The following RAPH1 variants were observed in gnomAD, a reference collection of about 807,000 sequenced individuals.
RAPH1 encodes ras-associated and pleckstrin homology domains-containing protein 1.
RAPH1 carries 18 observed loss-of-function variants against 88.1 expected under a neutral mutation model. That is an observed-to-expected ratio of 0.20 (90% confidence interval 0.14 to 0.30). The LOEUF (loss-of-function observed/expected upper bound fraction) is 0.30, where lower values mean the gene tolerates loss of function less well. Among genes scored for constraint, RAPH1 ranks in the 10% least tolerant of loss-of-function variants. The pLI is 1.00. For synonymous variants in RAPH1, 587 were observed against 559.0 expected (o/e 1.05, Z -0.71); for missense variants, 1,448 against 1,543.2 (o/e 0.94, Z 1.03).
chr2:203,442,236 A>C, intron 13 of RAPH1: 2 of 659,476 alleles, frequency 3.0e-6, no homozygotes, highest in Non-Finnish European at 4.9e-6. Context: ...CCAACAACCA[A>C]CCCATCTGGG....
chr2:203,532,271 T>C (rs1303983058), intron 1 of RAPH1, among the ~76,000 whole-genome samples: 1 of 152,192 alleles, frequency 6.6e-6, no homozygotes, highest in African/African-American at 2.4e-5. Flanking sequence ...GCTTGTAGAA[T>C]TACTGTTTAA....
chr2:203,509,451 A>G (rs1559496848), intron 1 of RAPH1, among the ~76,000 whole-genome samples: 1 of 152,212 alleles, frequency 6.6e-6, no homozygotes, highest in Non-Finnish European at 1.5e-5. Flanking sequence ...CAAAGTTAGT[A>G]TTTAATTAAA....
chr2:203,481,758 A>ATTTTTT (rs757903816), intron 4 of RAPH1, among the ~76,000 whole-genome samples: 1 of 137,368 alleles, frequency 7.3e-6, no homozygotes, highest in Non-Finnish European at 1.6e-5. Flanking sequence ...CGCCAGGATA[A>ATTTTTT]TTTTTTTTTT....
intron 1 of RAPH1, among the ~76,000 whole-genome samples, chr2:203,516,809 G>A (rs1311808802): frequency 4.6e-5 from 7 of 152,004 alleles, no homozygotes; most frequent in East Asian, 3.9e-4. Flanking sequence ...CAAGGCAGGC[G>A]GATCATGACG....
rs192751149 is a variant in RAPH1 at position 203,441,402 on chromosome 2, C to T, written c.1788G>A (p.Glu596=). Residue 596 remains glutamate (E), a synonymous_variant, in exon 14 of 14, where the codon GAG becomes GAA. Coordinates refer to ENST00000319170, the MANE Select transcript of RAPH1 (RefSeq NM_213589.3). Reference sequence around the variant, plus strand: ...GTGAAGTGTAGGGCCGATTCATAGACTCCATTCTGGCCTAAAAGGAGTATA... The same window carrying T: ...GTGAAGTGTAGGGCCGATTCATAGATTCCATTCTGGCCTAAAAGGAGTATA... ...QLEESSKARM[E]SMNRPYTSLV... is the part of the protein sequence containing the mutation. The T allele has an allele frequency of 2.2e-4, 338 of 1,550,828 alleles. No individual in the cohort carries two copies. In the East Asian group the frequency reaches 6.9e-3, roughly 31 times the overall value.
rs2098504417 is a variant in RAPH1 at position 203,441,750 on chromosome 2, C to T, written c.1777-337G>A. 1.2e-5 allele frequency: 16 copies of T among 1,284,434 alleles called. No individual in the cohort carries two copies. The South Asian group carries it at 3.9e-4, about 32-fold the overall frequency. The allele number at this position is 1,284,434 out of a possible 1,614,324, so 79.6% of individuals were successfully genotyped here. A position where few individuals can be genotyped will look rare whatever the true frequency, so the allele number is the denominator to read the frequency against. ...GCTGTATGACTTTGACACAGCCTGC[C>T]CTACATGGAACCCTCTGTGGCGGTC... On this transcript the variant is annotated intron_variant, in intron 13 of 13. Transcript: ENST00000319170.
chr2:203,463,394 C>T (rs1255493373), intron 4 of RAPH1, among the ~76,000 whole-genome samples: 1 of 152,148 alleles, frequency 6.6e-6, no homozygotes, highest in Non-Finnish European at 1.5e-5. Flanking sequence ...CAATTCAGTT[C>T]ATAGATTTAT....
intron 8 of RAPH1, 142 bp downstream of exon 8, chr2:203,457,388 C>T (rs1312757667): frequency 4.1e-6 from 3 of 734,074 alleles, no homozygotes; most frequent in East Asian, 5.0e-5. Context: ...GTTTCACCAT[C>T]TTGGGCAGGC....
intron 4 of RAPH1, among the ~76,000 whole-genome samples, chr2:203,481,568 AATATATATATATAT>A (rs60650703): frequency 1.4e-5 from 2 of 138,104 alleles, no homozygotes; most frequent in African/African-American, 2.7e-5. Flanking sequence ...TAAATAGATG[AATATATATATATAT>A]ATATATATAT....
chr2:203,517,739 G>A (rs1003558275), intron 1 of RAPH1, among the ~76,000 whole-genome samples: 7 of 151,884 alleles, frequency 4.6e-5, no homozygotes, highest in Non-Finnish European at 8.8e-5. Flanking sequence ...CAAAATACAT[G>A]AGATTACACA....
intron 1 of RAPH1, among the ~76,000 whole-genome samples, chr2:203,527,020 G>A (rs182725698): frequency 5.9e-5 from 9 of 152,108 alleles, no homozygotes; most frequent in Admixed American, 1.3e-4. Flanking sequence ...CTGACCTCAG[G>A]TGATCCGCCC....
chr2:203,458,923 C>T (rs550281890), intron 7 of RAPH1, among the ~76,000 whole-genome samples: 32 of 152,132 alleles, frequency 2.1e-4, no homozygotes, highest in South Asian at 8.3e-4. Flanking sequence ...ACACCACGCC[C>T]GGCTAATTTT....
chr2:203,524,017 A>G (rs990945158), intron 1 of RAPH1, among the ~76,000 whole-genome samples: 2 of 152,356 alleles, frequency 1.3e-5, no homozygotes, highest in African/African-American at 4.8e-5. Context: ...AGTAAAAAAT[A>G]AAAAAGACAA....
intron 1 of RAPH1, among the ~76,000 whole-genome samples, chr2:203,526,139 T>G (rs1690103684): frequency 6.6e-6 from 1 of 152,220 alleles, no homozygotes; most frequent in African/African-American, 2.4e-5. Context: ...AATGCAAAAT[T>G]CAAATTTAGG....
chr2:203,508,221 C>CAAAAAAA (rs768340713), intron 1 of RAPH1, among the ~76,000 whole-genome samples: 2 of 58,578 alleles, frequency 3.4e-5, no homozygotes, highest in African/African-American at 5.2e-5. Context: ...GACTCTGTCT[C>CAAAAAAA]AAAAAAAAAA....
Position 203,444,992 on chromosome 2 carries a change from G to A in RAPH1, c.1652C>T (p.Ser551Phe), listed in dbSNP as rs1193929180. 6.2e-7 allele frequency: 1 copy of A among 1,613,716 alleles called. No individual in the cohort carries two copies. The highest frequency in any genetic ancestry group is 2.2e-5 in the East Asian group (1 of 44,888). Reference sequence around the variant, plus strand: ...AGAAACTCCGCTATCAGACTGATTGGAGTGGTTTGACTGAGACTCTGTTTA... The same window carrying A: ...AGAAACTCCGCTATCAGACTGATTGAAGTGGTTTGACTGAGACTCTGTTTA... Reference protein sequence around the residue: ...SSIPESQSNHSNQSDSGVSDT... With the variant: ...SSIPESQSNHFNQSDSGVSDT... The change falls in exon 13 of 14, where the codon TCC becomes TTC. Residue 551 changes from serine (S) to phenylalanine (F), a missense_variant. By Grantham distance (155) the Ser-to-Phe change is radical (BLOSUM62 -2). Transcript: ENST00000319170.
chr2:203,440,190 T>C lies in RAPH1; in HGVS notation c.3000A>G (p.Leu1000=), dbSNP rs2098502152. Residue 1000 remains leucine, a synonymous_variant, in exon 14 of 14, where the codon CTA becomes CTG. Transcript: ENST00000319170. The stretch of plus-strand genomic sequence containing the variant: ...CTGCTGGCGGTGTAAACTTGCTGAC[T>C]AGACTGTCCACCGAGGGTCTCTTGG... The part of the protein sequence containing the change: ...PEPKRPSVDS[L]VSKFTPPAES... 6.2e-7 allele frequency: 1 copy of C among 1,613,896 alleles called. No individual in the cohort carries two copies. The highest frequency in any genetic ancestry group is 8.5e-7 in the Non-Finnish European group (1 of 1,179,994).
At chr2:203,456,438 G>A (rs1045022270) in intron 8 of RAPH1, among the ~76,000 whole-genome samples, 17 of 151,962 alleles carry the variant, frequency 1.1e-4, no homozygotes, top group African/African-American at 4.1e-4. Flanking sequence ...AGACAAAGAG[G>A]GCATTTATTT....
At position 203,459,919 on chromosome 2, in the gene RAPH1, G is replaced by A. The variant is rs991048520; in HGVS notation, c.1080C>T (p.Phe360=). The part of the protein sequence containing the change: ...FMERIEKYAL[F]KNPQNYLLGK... Reference sequence around the variant, plus strand: ...TGTTTGGTCTTACCTGTGGGTTTTTGAAAAGTGCATATTTTTCTATACGCT... The same window carrying A: ...TGTTTGGTCTTACCTGTGGGTTTTTAAAAAGTGCATATTTTTCTATACGCT... Residue 360 remains phenylalanine (F), a synonymous_variant, in exon 7 of 14, where the codon TTC becomes TTT. Coordinates refer to ENST00000319170, the MANE Select transcript of RAPH1 (RefSeq NM_213589.3). 2 of 1,612,162 alleles carry A rather than the reference G, an allele frequency of 1.2e-6. No individual in the cohort carries two copies. Among genetic ancestry groups the A allele is most frequent in the African/African-American group, 2.7e-5 (2 of 74,778 alleles).
Sources: gnomAD v4.1 joint callset for allele counts (sites outside exome capture counted in the v4.1 genomes callset) on GRCh38, gnomAD v4.1.1 for gene constraint, MANE v1.5 for transcripts, NCBI Gene and HGNC (gene_info 2026-07-23, HGNC 2026-07-21) for gene names.